CEP112: variants seen among roughly 807,000 people sequenced by gnomAD.
CEP112 encodes the protein centrosomal protein of 112 kDa.
CEP112 carries 127 observed loss-of-function variants against 153.0 expected under a neutral mutation model. That is an observed-to-expected ratio of 0.83 (90% CI 0.72 to 0.96). CEP112 has a LOEUF of 0.96. CEP112 is among the 40% of genes least tolerant of loss of function. The pLI, the probability that CEP112 is intolerant of heterozygous loss-of-function variation, is 0.00. For missense variants in CEP112, 1,089 were observed against 1,101.2 expected (o/e 0.99, Z 0.16); for synonymous variants, 358 against 374.4 (o/e 0.96, Z 0.51).
At chr17:65,669,503 G>A (rs1416674040) in intron 24 of CEP112, among the ~76,000 whole-genome samples, 1 of 152,188 alleles carries the variant, frequency 6.6e-6, no homozygotes, top group East Asian at 1.9e-4. Context: ...AGAATGTATA[G>A]CTGGGAAAGA....
At chr17:65,746,892 T>A (rs532870129) in intron 22 of CEP112, among the ~76,000 whole-genome samples, 1 of 152,310 alleles carries the variant, frequency 6.6e-6, no homozygotes, top group African/African-American at 2.4e-5. Context: ...TTAGTTTCAA[T>A]GAAAGAAGCA....
chr17:65,927,653 A>G lies in CEP112; in HGVS notation c.1909T>C (p.Ser637Pro), dbSNP rs2060975797. ...KVEADLTRSK[S>P]LREKQSKEFL... is the part of the protein sequence containing the mutation. Reference sequence around the variant, plus strand: ...TCCTTTGATTGTTTCTCACGAAGAGATTTGGATCTAGTTAGATCTGCCTCC... The same window carrying G: ...TCCTTTGATTGTTTCTCACGAAGAGGTTTGGATCTAGTTAGATCTGCCTCC... Residue 637 changes from serine (S) to proline (P), a missense_variant, in exon 19 of 27, where the codon TCT becomes CCT. Transcript: ENST00000535342. 6 of 1,600,570 alleles carry G rather than the reference A, an allele frequency of 3.7e-6. No homozygotes were observed. The highest frequency in any genetic ancestry group is 2.3e-5 in the South Asian group (2 of 87,146).
At chr17:66,003,778 T>C (rs1182996965) in intron 17 of CEP112, among the ~76,000 whole-genome samples, 1 of 152,132 alleles carries the variant, frequency 6.6e-6, no homozygotes, top group Non-Finnish European at 1.5e-5. Context: ...CACAGGAGCG[T>C]GAACCCTATT....
intron 24 of CEP112, among the ~76,000 whole-genome samples, chr17:65,664,078 A>G (rs1426054748): frequency 1.3e-5 from 2 of 152,144 alleles, no homozygotes; most frequent in Non-Finnish European, 1.5e-5. Context: ...TAAAATAAAC[A>G]TTATACATCC....
intron 23 of CEP112, among the ~76,000 whole-genome samples, chr17:65,725,941 A>G (rs1445047144): frequency 1.3e-5 from 2 of 152,226 alleles, no homozygotes; most frequent in Non-Finnish European, 2.9e-5. Flanking sequence ...AAGCCGTATC[A>G]GCCACCATGT....
In CEP112 at chr17:65,877,982, A is replaced by T. The variant is rs928089355; in HGVS notation, c.2163+24170T>A. On this transcript the variant is annotated intron_variant, in intron 20 of 26. Transcript: ENST00000535342. ...ATGATGCCACTTATATGTGGACTCT[A>T]AAATAGTAAAACTGATAGAAACAGA... Among the ~76,000 whole-genome samples the T allele has an allele frequency of 3.3e-5, 5 of 152,236 alleles. No individual in the cohort carries two copies. In the South Asian group the frequency reaches 1.0e-3, roughly 32 times the overall value.
chr17:65,834,077 G>C (rs1203109597), intron 21 of CEP112, among the ~76,000 whole-genome samples: 1 of 152,042 alleles, frequency 6.6e-6, no homozygotes, highest in Non-Finnish European at 1.5e-5. Context: ...CTTTGACAAA[G>C]ATGACAAAAA....
intron 23 of CEP112, among the ~76,000 whole-genome samples, chr17:65,692,224 ATTTTT>A (rs35586515): frequency 7.9e-6 from 1 of 126,858 alleles, no homozygotes; most frequent in South Asian, 2.4e-4. Context: ...CTGCACTGGA[ATTTTT>A]TTTTTTTTTT....
intron 20 of CEP112, among the ~76,000 whole-genome samples, chr17:65,877,504 C>T (rs920082508): frequency 2.6e-5 from 4 of 152,168 alleles, no homozygotes; most frequent in Admixed American, 1.3e-4. Flanking sequence ...TTGTTGTTCT[C>T]CCTTTTCTGT....
chr17:66,006,995 T>TA (rs2064303828), intron 16 of CEP112, among the ~76,000 whole-genome samples: 2 of 152,226 alleles, frequency 1.3e-5, no homozygotes, highest in African/African-American at 4.8e-5. Flanking sequence ...TAGTTAGCTA[T>TA]TTATATCAGT....
At chr17:65,669,851 C>T (rs1022238850) in intron 24 of CEP112, among the ~76,000 whole-genome samples, 8 of 150,484 alleles carry the variant, frequency 5.3e-5, no homozygotes, top group Non-Finnish European at 1.0e-4. Context: ...TGCGGTGAGC[C>T]GAGATCGCGC....
chr17:66,103,945 C>T (rs1395971624), intron 6 of CEP112, among the ~76,000 whole-genome samples: 1 of 152,154 alleles, frequency 6.6e-6, no homozygotes, highest in African/African-American at 2.4e-5. Context: ...CCAACCCTAG[C>T]CAGAGGCAAA....
At chr17:65,840,251 G>A (rs978960226) in intron 21 of CEP112, among the ~76,000 whole-genome samples, 1 of 152,106 alleles carries the variant, frequency 6.6e-6, no homozygotes, top group Non-Finnish European at 1.5e-5. Context: ...TGCACCATCA[G>A]GCTTCAAAAT....
At chr17:65,767,687 G>C (rs1842022826) in intron 21 of CEP112, among the ~76,000 whole-genome samples, 1 of 151,912 alleles carries the variant, frequency 6.6e-6, no homozygotes, top group African/African-American at 2.4e-5. Context: ...TATGAAAGTG[G>C]AGACATTACA....
chr17:65,670,163 TTTGTTG>T (rs199516469), intron 24 of CEP112, among the ~76,000 whole-genome samples: 1 of 151,246 alleles, frequency 6.6e-6, no homozygotes, highest in African/African-American at 2.4e-5. Context: ...TTTTTTTGTT[TTTGTTG>T]TTGTTGTTGT....
chr17:65,662,646 G>A (rs1183070999), intron 24 of CEP112, among the ~76,000 whole-genome samples: 2 of 152,056 alleles, frequency 1.3e-5, no homozygotes, highest in Non-Finnish European at 2.9e-5. Flanking sequence ...ACAATCACTG[G>A]TGGCTGAGGG....
chr17:66,162,992 C>T (rs230568), intron 4 of CEP112, among the ~76,000 whole-genome samples: 49,011 of 151,840 alleles, frequency 0.32, 9,551 homozygotes, highest in East Asian at 0.83. Flanking sequence ...GTTAAAGGAG[C>T]AAGTCTCAAA....
intron 19 of CEP112, among the ~76,000 whole-genome samples, chr17:65,927,381 A>T (rs1044889047): frequency 6.6e-6 from 1 of 152,172 alleles, no homozygotes; most frequent in African/African-American, 2.4e-5. Context: ...CAGATAAAAC[A>T]AACAGTCAGA....
chr17:66,146,334 A>G (rs2070917484), intron 4 of CEP112, among the ~76,000 whole-genome samples: 2 of 152,150 alleles, frequency 1.3e-5, no homozygotes, highest in South Asian at 4.1e-4. Flanking sequence ...TTGAGTCAGT[A>G]TTTAGTTTTT....
Sources: gnomAD v4.1 joint callset for allele counts (sites outside exome capture counted in the v4.1 genomes callset) on GRCh38, gnomAD v4.1.1 for gene constraint, MANE v1.5 for transcripts, NCBI Gene and HGNC (gene_info 2026-07-23, HGNC 2026-07-21) for gene names.